PRR33: variants seen among roughly 807,000 people sequenced by gnomAD.
The protein encoded by PRR33 is proline-rich protein 33.
Under a neutral mutation model 0.5 loss-of-function variants are expected in PRR33, and 1 was observed. That is an observed-to-expected ratio of 2.18 (90% CI 0.77 to 10.34). The LOEUF (loss-of-function observed/expected upper bound fraction) is 10.34, where lower values mean the gene tolerates loss of function less well. Among genes scored for constraint, PRR33 ranks in the 30% most tolerant of loss-of-function variants. PRR33 has a pLI of 0.13. For missense variants in PRR33, 552 were observed against 251.8 expected (o/e 2.19, Z -8.07); for synonymous variants, 226 against 110.0 (o/e 2.06, Z -6.60).
chr11:1,890,858 G>A, exon 1 of PRR33: 1 of 498,308 alleles, frequency 2.0e-6, no homozygotes, highest in South Asian at 2.9e-5. Flanking sequence ...TGCCTCCAGG[G>A]CTCTGTCCTC....
exon 1 of PRR33, chr11:1,890,422 G>T (rs1439721283): frequency 1.4e-6 from 1 of 717,248 alleles, no homozygotes; most frequent in Non-Finnish European, 2.6e-6. Context: ...GGAGCGAGGT[G>T]TGTGCCTCCC....
the PRR33 span, among the ~76,000 whole-genome samples, chr11:1,912,528 G>C: frequency 6.6e-6 from 1 of 152,126 alleles, no homozygotes; most frequent in Admixed American, 6.6e-5. Context: ...TTGCTTATTT[G>C]TGTCTCTTCC....
chr11:1,913,015 T>C, the PRR33 span, among the ~76,000 whole-genome samples: 331 of 152,362 alleles, frequency 2.2e-3, no homozygotes, highest in African/African-American at 7.3e-3. Flanking sequence ...CCCTTGGTTT[T>C]AGTGTTTTGT....
At chr11:1,893,647 G>A (rs370203573), upstream of PRR33, among the ~76,000 whole-genome samples, 13 of 146,838 alleles carry the variant, frequency 8.9e-5, no homozygotes, top group East Asian at 1.7e-3. Context: ...TGGAAGGAGC[G>A]ATAAATGAAG....
At chr11:1,889,019 C>G (rs1848870709) in exon 1 of PRR33, 2 of 568,718 alleles carry the variant, frequency 3.5e-6, no homozygotes. Context: ...CCCAGGCTGC[C>G]CTGCACCCCA....
the PRR33 span, among the ~76,000 whole-genome samples, chr11:1,911,944 T>A: frequency 5.5e-5 from 8 of 145,416 alleles, no homozygotes; most frequent in South Asian, 1.3e-3. Flanking sequence ...GAGGATCACT[T>A]GAGGCCTGGA....
chr11:1,902,384 C>G, the PRR33 span, among the ~76,000 whole-genome samples: 1 of 152,224 alleles, frequency 6.6e-6, no homozygotes, highest in East Asian at 1.9e-4. Context: ...GGCCTGGGCT[C>G]AGCGTGGGTG....
chr11:1,889,172 G>A (rs920788152), exon 1 of PRR33: 25 of 674,338 alleles, frequency 3.7e-5, no homozygotes, highest in Non-Finnish European at 6.6e-5. Flanking sequence ...CAGTCGCTGT[G>A]CGGTTGAAGT....
the PRR33 span, among the ~76,000 whole-genome samples, chr11:1,909,716 G>A: frequency 2.5e-4 from 38 of 151,950 alleles, no homozygotes; most frequent in East Asian, 3.1e-3. Flanking sequence ...GGAGGTTGAG[G>A]CTGCAGTCAG....
the PRR33 span, among the ~76,000 whole-genome samples, chr11:1,896,984 G>A: frequency 1.3e-5 from 2 of 152,208 alleles, no homozygotes; most frequent in Non-Finnish European, 2.9e-5. Flanking sequence ...GTTCAGAGAG[G>A]CTCTGGTGCT....
At chr11:1,911,050 T>A in the PRR33 span, among the ~76,000 whole-genome samples, 3 of 152,242 alleles carry the variant, frequency 2.0e-5, no homozygotes, top group Admixed American at 6.5e-5. Context: ...TGTCTTTTGA[T>A]GAAGAGAAGT....
chr11:1,902,027 T>C, the PRR33 span, among the ~76,000 whole-genome samples: 2 of 151,738 alleles, frequency 1.3e-5, no homozygotes, highest in African/African-American at 4.9e-5. Flanking sequence ...GGTCAGGAGA[T>C]CGAGACCATC....
chr11:1,889,388 C>G (rs1248099346), exon 1 of PRR33: 1 of 700,336 alleles, frequency 1.4e-6, no homozygotes, highest in Middle Eastern at 2.3e-4. Context: ...CATCCCACAT[C>G]CTGGAGGTCC....
the PRR33 span, among the ~76,000 whole-genome samples, chr11:1,909,858 T>C: frequency 1.3e-5 from 2 of 152,210 alleles, no homozygotes; most frequent in East Asian, 3.8e-4. Context: ...GCAGCTCCTT[T>C]GTGGTGGAAT....
chr11:1,906,221 A>G, the PRR33 span, among the ~76,000 whole-genome samples: 1 of 151,748 alleles, frequency 6.6e-6, no homozygotes, highest in Non-Finnish European at 1.5e-5. Flanking sequence ...TTTGCTTTCT[A>G]TTTGTCACAT....
chr11:1,905,165 C>T, the PRR33 span, among the ~76,000 whole-genome samples: 1 of 125,454 alleles, frequency 8.0e-6, no homozygotes, highest in African/African-American at 3.2e-5. Context: ...CTTGCTCTGT[C>T]ACCCAGGCTG....
the PRR33 span, among the ~76,000 whole-genome samples, chr11:1,900,775 A>G: frequency 6.6e-6 from 1 of 152,240 alleles, no homozygotes; most frequent in African/African-American, 2.4e-5. Flanking sequence ...TGACGTATTC[A>G]CAAACAATAT....
the PRR33 span, among the ~76,000 whole-genome samples, chr11:1,907,127 T>C: frequency 6.6e-6 from 1 of 152,230 alleles, no homozygotes; most frequent in Non-Finnish European, 1.5e-5. Context: ...CTGTTCTGTG[T>C]TGCTGTTTGG....
upstream of PRR33, among the ~76,000 whole-genome samples, chr11:1,894,109 AGTGT>A (rs1157393864): frequency 4.0e-4 from 4 of 10,074 alleles, no homozygotes; most frequent in East Asian, 4.5e-3. Flanking sequence ...CCGGGCTGGG[AGTGT>A]GTGTGTGTTT....
Sources: gnomAD v4.1 joint callset for allele counts (sites outside exome capture counted in the v4.1 genomes callset) on GRCh38, gnomAD v4.1.1 for gene constraint, MANE v1.5 for transcripts, NCBI Gene and HGNC (gene_info 2026-07-23, HGNC 2026-07-21) for gene names.